Variants in MTHFD2L observed in about 807,000 individuals in gnomAD.
MTHFD2L encodes the protein methylenetetrahydrofolate dehydrogenase (NADP+ dependent) 2 like.
A neutral mutation model predicts 34.9 loss-of-function variants in MTHFD2L; 29 were observed. That is an observed-to-expected ratio of 0.83 (90% confidence interval 0.62 to 1.13). The LOEUF (loss-of-function observed/expected upper bound fraction) is 1.13, where lower values mean the gene tolerates loss of function less well. MTHFD2L is among the 50% of genes most tolerant of loss of function. The pLI is 0.00. For missense variants in MTHFD2L, 481 were observed against 446.5 expected (o/e 1.08, Z -0.70); for synonymous variants, 167 against 155.7 (o/e 1.07, Z -0.54).
chr4:74,249,011 G>C (rs1262340975), intron 6 of MTHFD2L, among the ~76,000 whole-genome samples: 1 of 152,168 alleles, frequency 6.6e-6, no homozygotes, highest in Non-Finnish European at 1.5e-5. Context: ...TTGGTGCAGA[G>C]CTGAGTTCAA....
At chr4:74,206,064 C>T (rs1306491942) in intron 5 of MTHFD2L, among the ~76,000 whole-genome samples, 1 of 151,314 alleles carries the variant, frequency 6.6e-6, no homozygotes, top group Non-Finnish European at 1.5e-5. Flanking sequence ...AGTCCAGATG[C>T]TCTCTGCTTG....
chr4:74,121,672 T>A (rs1182096957), upstream of MTHFD2L, among the ~76,000 whole-genome samples: 2 of 146,110 alleles, frequency 1.4e-5, no homozygotes, highest in Non-Finnish European at 1.5e-5. Context: ...AAATATATAT[T>A]TAATTATATA....
At chr4:74,200,070 A>AAAACATAATACAATCCT (rs1560479480) in intron 4 of MTHFD2L, 124 bp downstream of exon 4, 1 of 784,836 alleles carries the variant, frequency 1.3e-6, no homozygotes, top group African/African-American at 1.8e-5. Context: ...ATAAAACGTC[A>AAAACATAATACAATCCT]GTGTACAGAG....
At chr4:74,172,754 G>A (rs1728272872) in intron 1 of MTHFD2L, among the ~76,000 whole-genome samples, 1 of 152,102 alleles carries the variant, frequency 6.6e-6, no homozygotes, top group African/African-American at 2.4e-5. Context: ...CATAGACCAC[G>A]CTTGGAATTG....
intron 3 of MTHFD2L, chr4:74,183,116 G>A (rs536039547): frequency 6.6e-6 from 1 of 152,168 alleles, no homozygotes; most frequent in Non-Finnish European, 1.5e-5. Flanking sequence ...CAATAAGGGG[G>A]TTGGGGGAGG....
chr4:74,264,761 G>A (rs755571227), intron 6 of MTHFD2L, among the ~76,000 whole-genome samples: 43 of 151,616 alleles, frequency 2.8e-4, no homozygotes, highest in Non-Finnish European at 4.6e-4. Context: ...TTTCAGCAGC[G>A]TTAATATTAA....
At chr4:74,290,685 G>GT (rs1234654574) in intron 7 of MTHFD2L, among the ~76,000 whole-genome samples, 1 of 151,748 alleles carries the variant, frequency 6.6e-6, no homozygotes, top group Non-Finnish European at 1.5e-5. Context: ...CATTGCTCAC[G>GT]TTTTCTCTCC....
intron 6 of MTHFD2L, among the ~76,000 whole-genome samples, chr4:74,238,039 A>C (rs1490618351): frequency 6.6e-6 from 1 of 152,196 alleles, no homozygotes; most frequent in Non-Finnish European, 1.5e-5. Flanking sequence ...AAACAATTTT[A>C]TTAGATCTAT....
intron 5 of MTHFD2L, among the ~76,000 whole-genome samples, chr4:74,210,900 CAT>C (rs1422620133): frequency 2.0e-5 from 3 of 152,218 alleles, no homozygotes; most frequent in Middle Eastern, 6.8e-3. Context: ...AGAGGTCCTT[CAT>C]ATCCCTTTAA....
intron 1 of MTHFD2L, among the ~76,000 whole-genome samples, chr4:74,142,224 T>G (rs949725477): frequency 6.6e-6 from 1 of 152,214 alleles, no homozygotes; most frequent in Non-Finnish European, 1.5e-5. Context: ...ATCCCAAATT[T>G]TACACATTTT....
intron 1 of MTHFD2L, among the ~76,000 whole-genome samples, chr4:74,139,862 T>C (rs1175009636): frequency 6.6e-6 from 1 of 152,214 alleles, no homozygotes; most frequent in Admixed American, 6.5e-5. Context: ...TTTGTTGTCA[T>C]TTTTAGGTAC....
chr4:74,293,602 T>C, intron 7 of MTHFD2L: 1 of 836,494 alleles, frequency 1.2e-6, no homozygotes, highest in East Asian at 1.2e-4. Flanking sequence ...GAGCACTTGA[T>C]TCCTGGTTGC....
chr4:74,212,557 T>G (rs907767341), intron 5 of MTHFD2L, among the ~76,000 whole-genome samples: 2 of 152,046 alleles, frequency 1.3e-5, no homozygotes, highest in Non-Finnish European at 2.9e-5. Context: ...GGGTCTGAGA[T>G]ACAGTTTTTT....
Position 74,201,244 on chromosome 4 carries a change from C to A in MTHFD2L, c.605-19C>A. On this transcript the variant is annotated intron_variant, in intron 4 of 7. Transcript: ENST00000325278. ...TCTTGTTGTCAATTCTGCATTTAAA[C>A]CGAACTCTGTATTTTAAGGAATTCA... 6.3e-7 allele frequency: 1 copy of A among 1,594,526 alleles called. No individual in the cohort carries two copies. The highest frequency in any genetic ancestry group is 8.6e-7 in the Non-Finnish European group (1 of 1,163,758).
chr4:74,227,995 T>G (rs185961912), intron 6 of MTHFD2L, among the ~76,000 whole-genome samples: 6 of 152,194 alleles, frequency 3.9e-5, no homozygotes, highest in Non-Finnish European at 8.8e-5. Context: ...CTAGAACATA[T>G]ACATGACTGC....
intron 1 of MTHFD2L, among the ~76,000 whole-genome samples, chr4:74,167,495 A>C (rs1726966424): frequency 1.3e-5 from 2 of 152,238 alleles, no homozygotes; most frequent in South Asian, 4.1e-4. Context: ...CAACTAGACA[A>C]TATCAGTGAT....
At chr4:74,236,687 T>C (rs185023485) in intron 6 of MTHFD2L, among the ~76,000 whole-genome samples, 1 of 152,386 alleles carries the variant, frequency 6.6e-6, no homozygotes, top group East Asian at 1.9e-4. Flanking sequence ...ACATATCTAA[T>C]AGAGAGTGGT....
intron 5 of MTHFD2L, among the ~76,000 whole-genome samples, chr4:74,211,484 G>A (rs1280292248): frequency 1.3e-5 from 2 of 152,062 alleles, no homozygotes; most frequent in South Asian, 2.1e-4. Flanking sequence ...GATGGATTCC[G>A]TTTGTTGATT....
intron 1 of MTHFD2L, among the ~76,000 whole-genome samples, chr4:74,173,446 G>C (rs546853220): frequency 6.0e-4 from 91 of 152,214 alleles, no homozygotes; most frequent in African/African-American, 2.1e-3. Flanking sequence ...CTAAACTATC[G>C]GTTTACTGAC....
Sources: gnomAD v4.1 joint callset for allele counts (sites outside exome capture counted in the v4.1 genomes callset) on GRCh38, gnomAD v4.1.1 for gene constraint, MANE v1.5 for transcripts, NCBI Gene and HGNC (gene_info 2026-07-23, HGNC 2026-07-21) for gene names.